CERS2: variants seen among roughly 807,000 people sequenced by gnomAD.
The protein encoded by CERS2 is LAG1 homolog, ceramide synthase 2.
CERS2 carries 20 observed loss-of-function variants against 56.6 expected under a neutral mutation model. That is an observed-to-expected ratio of 0.35 (90% CI 0.25 to 0.51). The LOEUF (loss-of-function observed/expected upper bound fraction) is 0.51, where lower values mean the gene tolerates loss of function less well. Ranked by LOEUF, CERS2 falls within the 20% of genes least tolerant of loss-of-function variation. The pLI is 0.96. For missense variants in CERS2, 361 were observed against 488.6 expected (o/e 0.74, Z 2.46); for synonymous variants, 187 against 175.4 (o/e 1.07, Z -0.52).
Position 150,967,059 on chromosome 1 carries a change from T to C in CERS2, c.741+15A>G, listed in dbSNP as rs1671045267. On this transcript the variant is annotated intron_variant, in intron 8 of 10. Transcript: ENST00000368954. ...AGAACCTGCACCAGGGTCTCTAGAT[T>C]TGAGGAAGCCTGACCTCCAGCAGGT... 2 of 1,613,762 alleles carry C rather than the reference T, an allele frequency of 1.2e-6. No homozygotes were observed. The highest frequency in any genetic ancestry group is 2.7e-5 in the African/African-American group (2 of 74,862).
rs377147425 is a variant in CERS2, at chr1:150,968,222, C to T, written c.292-21G>A. 5 of 1,604,856 alleles carry T rather than the reference C, an allele frequency of 3.1e-6. No homozygotes were observed. In the African/African-American group the frequency reaches 6.7e-5, roughly 21 times the overall value. ...TCCACCTGGGCACAGTGAAGAAGCC[C>T]ATTGTTATGTTTACCTTCGGAACTC... is the stretch of plus-strand genomic sequence containing the variant. On this transcript the variant is annotated intron_variant, in intron 3 of 10. Coordinates refer to ENST00000368954, the MANE Select transcript of CERS2 (RefSeq NM_022075.5).
rs1671110654 is a variant in CERS2, at chr1:150,969,051, G to T, written c.40C>A (p.Leu14Met). 1 of 1,614,020 alleles carries T rather than the reference G, an allele frequency of 6.2e-7. No individual in the cohort carries two copies. Among genetic ancestry groups the T allele is most frequent in the African/African-American group, 1.3e-5 (1 of 74,920 alleles). The change falls in exon 2 of 11, where the codon CTG becomes ATG. Residue 14 changes from leucine (L) to methionine (M), a missense_variant. By Grantham distance (15) the Leu-to-Met change is conservative. This residue lies in a region of CERS2 where 236 missense variants were observed against 309.2 expected (regional missense o/e 0.76). Transcript: ENST00000368954. The stretch of plus-strand genomic sequence containing the variant: ...CAGGTCAAGTTCACAGGCAGCCACA[G>T]ACGTTCCCACCAGAAGTAATCATAC... ...TLYDYFWWER[L>M]WLPVNLTWAD...
chr1:150,966,433 T>G (rs199730233), intron 10 of CERS2, 43 bp downstream of exon 10: 59 of 1,609,816 alleles, frequency 3.7e-5, no homozygotes, highest in Middle Eastern at 3.3e-4. Flanking sequence ...TTCAGGAAGT[T>G]GTAGAGAGTA....
chr1:150,967,113 T>C lies in CERS2; in HGVS notation c.702A>G (p.Leu234=). ...CGGAAGAGTCATGCAGAGCCATGAT[T>C]AGAGTCCCAGCTCGGATGTAATTGG... ...WFANYIRAGT[L]IMALHDSSDY... is the part of the protein sequence containing the mutation. Residue 234 remains leucine, a synonymous_variant, in exon 8 of 11, where the codon CTA becomes CTG. Transcript: ENST00000368954. The C allele has an allele frequency of 6.2e-7, 1 of 1,614,068 alleles. No homozygotes were observed. The highest frequency in any genetic ancestry group is 1.1e-5 in the South Asian group (1 of 91,074).
chr1:150,965,988 G>A lies in CERS2; in HGVS notation c.*160C>T. The A allele has an allele frequency of 1.4e-6, 1 of 722,266 alleles. No homozygotes were observed. 44.7% of individuals were successfully genotyped at this position (722,266 alleles called of 1,614,324 possible). A position where few individuals can be genotyped will look rare whatever the true frequency, so the allele number is the denominator to read the frequency against. On this transcript the variant is annotated 3_prime_UTR_variant, in exon 11 of 11. Transcript: ENST00000368954. ...CCTGGGGATAGGCTGGTTAGAATTTGGTTTAAAGGCAACTGGGTGACAAGC... is the reference window on the plus strand; with the variant it reads ...CCTGGGGATAGGCTGGTTAGAATTTAGTTTAAAGGCAACTGGGTGACAAGC...
At chr1:150,972,816 C>T (rs587718355) in intron 1 of CERS2, among the ~76,000 whole-genome samples, 3 of 152,260 alleles carry the variant, frequency 2.0e-5, no homozygotes, top group Non-Finnish European at 4.4e-5. Flanking sequence ...CCAGCCCCAA[C>T]CTTTGCCCCA....
chr1:150,970,654 A>G (rs1254713778), intron 1 of CERS2, among the ~76,000 whole-genome samples: 2 of 152,058 alleles, frequency 1.3e-5, no homozygotes, highest in Non-Finnish European at 2.9e-5. Context: ...ATGCACTACC[A>G]AGTAGCACAC....
At chr1:150,969,271 T>C in intron 1 of CERS2, 180 bp from the exon 2 acceptor site, 1 of 605,708 alleles carries the variant, frequency 1.7e-6, no homozygotes, top group Non-Finnish European at 2.9e-6. Context: ...ACGGTGGCTT[T>C]CCAGTTTTAA....
Position 150,968,397 on chromosome 1 carries a change from G to A in CERS2, c.289C>T (p.Gln97Ter). 6.2e-7 allele frequency: 1 copy of A among 1,612,366 alleles called. No individual in the cohort carries two copies. Among genetic ancestry groups the A allele is most frequent in the Non-Finnish European group, 8.5e-7 (1 of 1,178,384 alleles). ...CCAGAGCAGCATGCGGCTCATACCT[G>A]CTTGGGCTGCTTGCCACTGGTCAGG... ...FYLTSGKQPKQVEVELLSRQS... is the reference protein window; with the variant it reads ...FYLTSGKQPK Residue 97 changes from glutamine (Q) to a stop codon, truncating the protein, a stop_gained and splice_region_variant, in exon 3 of 11, where the codon CAG (glutamine) becomes TAG (stop). Coordinates refer to ENST00000368954, the MANE Select transcript of CERS2 (RefSeq NM_022075.5). LOFTEE classifies it high-confidence loss of function.
rs76369183 is a variant in CERS2 at position 150,965,337 on chromosome 1, C to T, written c.*811G>A. The T allele has an allele frequency of 2.0e-4, 30 of 152,026 alleles. No homozygotes were observed. The highest frequency in any genetic ancestry group is 7.0e-4 in the African/African-American group (29 of 41,322). The allele number at this position is 152,026 out of a possible 1,614,324, so 9.4% of individuals were successfully genotyped here. Reference sequence around the variant, plus strand: ...CAGTACATTTTGGTCTAAAATGGTCCCTCTGCTGAAATGCTAGGTGCTAGC... The same window carrying T: ...CAGTACATTTTGGTCTAAAATGGTCTCTCTGCTGAAATGCTAGGTGCTAGC... On this transcript the variant is annotated 3_prime_UTR_variant, in exon 11 of 11. Transcript: ENST00000368954.
chr1:150,968,314 T>G (rs2102768797), intron 3 of CERS2, 81 bp downstream of exon 3: 1 of 1,471,824 alleles, frequency 6.8e-7, no homozygotes, highest in East Asian at 2.3e-5. Flanking sequence ...TCTCTTCACC[T>G]GCCAGAGCTA....
chr1:150,966,457 A>G lies in CERS2; in HGVS notation c.1002+19T>C. On this transcript the variant is annotated intron_variant, in intron 10 of 10. Transcript: ENST00000368954. ...TTGTAGAGAGTAGTAAGGCCTACAC[A>G]ATGGGAACAGGGCTTCACCTTTCCA... is the stretch of plus-strand genomic sequence containing the variant. 1 of 1,613,908 alleles carries G rather than the reference A, an allele frequency of 6.2e-7. No homozygotes were observed. The highest frequency in any genetic ancestry group is 8.5e-7 in the Non-Finnish European group (1 of 1,179,924).
chr1:150,969,107 A>C lies in CERS2; in HGVS notation c.-1-16T>G. 1 of 1,612,308 alleles carries C rather than the reference A, an allele frequency of 6.2e-7. No homozygotes were observed. The highest frequency in any genetic ancestry group is 2.2e-5 in the East Asian group (1 of 44,876). On this transcript the variant is annotated splice_polypyrimidine_tract_variant and intron_variant, in intron 1 of 10. Transcript: ENST00000368954. Reference sequence around the variant, plus strand: ...CTGGAGCATCCTGAGTGAGGGGCAAAGGGGAGGGCATCAAGAGGGAGTAGC... The same window carrying C: ...CTGGAGCATCCTGAGTGAGGGGCAACGGGGAGGGCATCAAGAGGGAGTAGC...
Position 150,966,154 on chromosome 1 carries a change from A to T in CERS2, c.1137T>A (p.Asn379Lys). Reference protein sequence around the residue: ...HPILNNNHRKND With the variant: ...HPILNNNHRKKD ...AGGCAGCTGGAGTAATGGTTCAGTCATTCTTACGATGGTTGTTATTGAGGA... is the reference window on the plus strand; with the variant it reads ...AGGCAGCTGGAGTAATGGTTCAGTCTTTCTTACGATGGTTGTTATTGAGGA... The change falls in exon 11 of 11, where the codon AAT (asparagine) becomes AAA (lysine). Residue 379 changes from asparagine (N) to lysine (K), a missense_variant. This residue lies in a region of CERS2 where 122 missense variants were observed against 151.9 expected (regional missense o/e 0.80). Coordinates refer to ENST00000368954, the MANE Select transcript of CERS2 (RefSeq NM_022075.5). The T allele has an allele frequency of 1.9e-6, 3 of 1,611,518 alleles. No homozygotes were observed. Among genetic ancestry groups the T allele is most frequent in the Non-Finnish European group, 2.5e-6 (3 of 1,179,274 alleles).
At chr1:150,968,356 T>C (rs1214469924) in intron 3 of CERS2, 39 bp downstream of exon 3, 1 of 1,558,904 alleles carries the variant, frequency 6.4e-7, no homozygotes. Context: ...ACCACCAAAC[T>C]CAGTGATTCC....
intron 8 of CERS2, 35 bp downstream of exon 8, chr1:150,967,039 C>T: frequency 3.7e-6 from 6 of 1,612,256 alleles, no homozygotes; most frequent in Non-Finnish European, 5.1e-6. Context: ...ACAGAAGAAC[C>T]TGCACCAGGG....
chr1:150,966,225 C>T lies in CERS2; in HGVS notation c.1066G>A (p.Ala356Thr). The T allele has an allele frequency of 6.2e-7, 1 of 1,607,864 alleles. No homozygotes were observed. Among genetic ancestry groups the T allele is most frequent in the Non-Finnish European group, 8.5e-7 (1 of 1,178,390 alleles). ...TESSEGEEAA[A>T]GGGAKSRPLA... ...GGCCGGCTCTTTGCTCCTCCCCCAG[C>T]TGCAGCCTCCTCCCCCTCTGAGCTC... The change falls in exon 11 of 11, where the codon GCT becomes ACT. Residue 356 changes from alanine (A) to threonine (T), a missense_variant. Ala to Thr is a moderately conservative substitution (Grantham distance 58). Around this residue, in one of 3 missense-constraint regions of CERS2, gnomAD observed 122 missense variants for 151.9 expected, o/e 0.80. Transcript: ENST00000368954.
chr1:150,968,182 G>A lies in CERS2; in HGVS notation c.311C>T (p.Ser104Phe). The A allele has an allele frequency of 6.2e-7, 1 of 1,609,294 alleles. No homozygotes were observed. Among genetic ancestry groups the A allele is most frequent in the Non-Finnish European group, 8.5e-7 (1 of 1,179,988 alleles). The change falls in exon 4 of 11, where the codon TCC becomes TTC. Residue 104 changes from serine (S) to phenylalanine (F), a missense_variant. Ser to Phe is a radical substitution (Grantham distance 155). Coordinates refer to ENST00000368954, the MANE Select transcript of CERS2 (RefSeq NM_022075.5). The stretch of plus-strand genomic sequence containing the variant: ...GCGGCCAGAGAGCCCGCTCTGCCGG[G>A]ACAAAAGCTCTACTTCCACCTGGGC... ...QPKQVEVELL[S>F]RQSGLSGRQV...
chr1:150,973,445 A>G (rs911033403), intron 1 of CERS2, among the ~76,000 whole-genome samples: 3 of 152,208 alleles, frequency 2.0e-5, no homozygotes, highest in Non-Finnish European at 4.4e-5. Context: ...GGGTAAAAGG[A>G]GGCCCTTCCT....
Sources: allele counts gnomAD v4.1 joint callset (sites outside exome capture counted in the v4.1 genomes callset), GRCh38; gene constraint gnomAD v4.1.1; regional missense constraint gnomAD v4.1.1; transcripts MANE v1.5; gene names NCBI Gene and HGNC (gene_info 2026-07-23, HGNC 2026-07-21).